The following PPFIA2 variants were observed in gnomAD, a reference collection of about 807,000 sequenced individuals.
PPFIA2 encodes liprin-alpha-2.
Under a neutral mutation model 175.5 loss-of-function variants are expected in PPFIA2, and 46 were observed. That is an observed-to-expected ratio of 0.26 (90% CI 0.21 to 0.34). The LOEUF (loss-of-function observed/expected upper bound fraction) is 0.34, where lower values mean the gene tolerates loss of function less well. Ranked by LOEUF, PPFIA2 falls within the 10% of genes least tolerant of loss-of-function variation. The pLI is 1.00. For synonymous variants in PPFIA2, 568 were observed against 511.4 expected, an observed-to-expected ratio of 1.11 and a Z score of -1.49; for missense variants, 1,179 against 1,506.1, an observed-to-expected ratio of 0.78 and a Z score of 3.60.
chr12:81,539,149 G>T (rs1163995054), intron 4 of PPFIA2, among the ~76,000 whole-genome samples: 2 of 151,916 alleles, frequency 1.3e-5, no homozygotes, highest in Non-Finnish European at 2.9e-5. Flanking sequence ...GGAAGACTCT[G>T]CGGGGAGCAG....
At chr12:81,557,522 C>T (rs4842300) in intron 4 of PPFIA2, among the ~76,000 whole-genome samples, 14,815 of 151,990 alleles carry the variant, frequency 0.097, 869 homozygotes, top group Middle Eastern at 0.17. Context: ...ATCTTTAAAA[C>T]TGGTCAACCC....
At chr12:81,623,116 C>G (rs901257954) in intron 4 of PPFIA2, among the ~76,000 whole-genome samples, 3 of 151,994 alleles carry the variant, frequency 2.0e-5, no homozygotes, top group African/African-American at 4.8e-5. Flanking sequence ...AAACAAAAAG[C>G]AGGCATAATA....
chr12:81,647,648 C>A (rs2066333591), intron 4 of PPFIA2, among the ~76,000 whole-genome samples: 1 of 150,914 alleles, frequency 6.6e-6, no homozygotes. Context: ...GTAGTCCCAG[C>A]TACTCAGGAG....
chr12:81,739,227 TA>T (rs1262898620), intron 3 of PPFIA2, among the ~76,000 whole-genome samples: 1 of 151,990 alleles, frequency 6.6e-6, no homozygotes, highest in Non-Finnish European at 1.5e-5. Context: ...ACAAATTAAA[TA>T]TATTTGACAG....
intron 7 of PPFIA2, among the ~76,000 whole-genome samples, chr12:81,428,966 G>A (rs1254034521): frequency 6.6e-6 from 1 of 151,998 alleles, no homozygotes; most frequent in Non-Finnish European, 1.5e-5. Context: ...CTGTCATCTG[G>A]TAAGTTTAGT....
At chr12:81,357,127 A>G (rs2060976743) in intron 16 of PPFIA2, among the ~76,000 whole-genome samples, 1 of 152,222 alleles carries the variant, frequency 6.6e-6, no homozygotes, top group South Asian at 2.1e-4. Flanking sequence ...TGAGTTAAGA[A>G]TTGAGAACCA....
rs1002115216 is a variant in PPFIA2 at position 81,364,807 on chromosome 12, G to C, written c.1546-2023C>G. 2.6e-5 allele frequency among the ~76,000 whole-genome samples: 4 copies of C among 151,796 alleles called. No homozygotes were observed. The East Asian group carries it at 7.8e-4, about 29-fold the overall frequency. ...GGATTTGATATTGGACTAGATGTGGGATATGAAACAAACATAGGGGTCAAG... is the reference window on the plus strand; with the variant it reads ...GGATTTGATATTGGACTAGATGTGGCATATGAAACAAACATAGGGGTCAAG... On this transcript the variant is annotated intron_variant, in intron 14 of 32. Transcript: ENST00000549396.
chr12:81,650,969 T>G (rs2066935636), intron 4 of PPFIA2, among the ~76,000 whole-genome samples: 1 of 152,190 alleles, frequency 6.6e-6, no homozygotes, highest in South Asian at 2.1e-4. Context: ...TGAAATTAGG[T>G]CACTGGATTC....
chr12:81,689,419 G>A (rs1224667310), intron 3 of PPFIA2, among the ~76,000 whole-genome samples: 1 of 151,968 alleles, frequency 6.6e-6, no homozygotes, highest in African/African-American at 2.4e-5. Flanking sequence ...GATGCTACCA[G>A]GATTCTATTA....
At chr12:81,328,275 T>C (rs2139901336) in intron 21 of PPFIA2, among the ~76,000 whole-genome samples, 1 of 152,324 alleles carries the variant, frequency 6.6e-6, no homozygotes, top group South Asian at 2.1e-4. Context: ...AGTGGGCTCA[T>C]ATGGCTATGT....
intron 4 of PPFIA2, among the ~76,000 whole-genome samples, chr12:81,474,037 A>G (rs926032875): frequency 6.6e-6 from 1 of 152,238 alleles, no homozygotes; most frequent in Non-Finnish European, 1.5e-5. Flanking sequence ...GAGAAAGACT[A>G]TATTTCAAGT....
chr12:81,504,388 TG>T (rs1417220957), intron 4 of PPFIA2, among the ~76,000 whole-genome samples: 1 of 151,868 alleles, frequency 6.6e-6, no homozygotes, highest in African/African-American at 2.4e-5. Context: ...AACAAGCATA[TG>T]AAAAAAAAGC....
chr12:81,440,098 A>G, intron 6 of PPFIA2, 52 bp from the exon 7 acceptor site: 1 of 1,335,386 alleles, frequency 7.5e-7, no homozygotes, highest in Non-Finnish European at 1.0e-6. Flanking sequence ...TACATATTAA[A>G]CTGTGCTGAA....
intron 4 of PPFIA2, among the ~76,000 whole-genome samples, chr12:81,560,819 AT>A (rs1384333431): frequency 6.6e-6 from 1 of 152,200 alleles, no homozygotes; most frequent in East Asian, 1.9e-4. Flanking sequence ...GGAATAAGTT[AT>A]TAATGAACAT....
At chr12:81,694,033 G>C (rs1260484084) in intron 3 of PPFIA2, among the ~76,000 whole-genome samples, 1 of 150,910 alleles carries the variant, frequency 6.6e-6, no homozygotes. Context: ...TCAGATACAG[G>C]GGCAAAAAAA....
intron 8 of PPFIA2, among the ~76,000 whole-genome samples, chr12:81,401,723 A>G (rs2042121614): frequency 6.6e-6 from 1 of 152,204 alleles, no homozygotes; most frequent in Non-Finnish European, 1.5e-5. Flanking sequence ...AGTAATGAGC[A>G]TTATTATAAA....
Position 81,749,446 on chromosome 12 carries a change from A to AAAAC in PPFIA2, c.249+4523_249+4526dup, listed in dbSNP as rs1278190010. On this transcript the variant is annotated intron_variant, in intron 3 of 32. Coordinates refer to ENST00000549396, the MANE Select transcript of PPFIA2 (RefSeq NM_003625.5). ...TCAGTGTATGCTAAAAAAGGTGATG[A>AAAAC]AAACAAATTTTAAACTTCTACATAT... Among the ~76,000 whole-genome samples, 4 of 143,926 alleles carry AAAAC rather than the reference A, an allele frequency of 2.8e-5. 1 individual carries two copies. Among genetic ancestry groups the AAAAC allele is most frequent in the Non-Finnish European group, 4.7e-5 (3 of 64,290 alleles). The allele number at this position is 143,926 out of a possible 152,430, so 94.4% of individuals were successfully genotyped here.
intron 7 of PPFIA2, among the ~76,000 whole-genome samples, chr12:81,408,152 T>A (rs2043256829): frequency 6.6e-6 from 1 of 152,114 alleles, no homozygotes; most frequent in African/African-American, 2.4e-5. Flanking sequence ...TCTTTTCACA[T>A]TAGTCAACAT....
intron 22 of PPFIA2, chr12:81,312,139 A>G: frequency 6.5e-7 from 1 of 1,534,192 alleles, no homozygotes; most frequent in Non-Finnish European, 8.7e-7. Flanking sequence ...CATGTTCAGC[A>G]GCCATTGTGA....
Sources: gnomAD v4.1 joint callset for allele counts (sites outside exome capture counted in the v4.1 genomes callset) on GRCh38, gnomAD v4.1.1 for gene constraint, MANE v1.5 for transcripts, NCBI Gene and HGNC (gene_info 2026-07-23, HGNC 2026-07-21) for gene names.